The following GABRG2 variants were observed in gnomAD, a reference collection of about 807,000 sequenced individuals.
GABRG2 encodes gamma-aminobutyric acid type A receptor subunit gamma2.
Under a neutral mutation model 56.4 loss-of-function variants are expected in GABRG2, and 16 were observed. The ratio of observed to expected loss-of-function variants is 0.28; its 90% CI spans 0.19 to 0.43. GABRG2 has a LOEUF of 0.43. Among genes scored for constraint, GABRG2 ranks in the 20% least tolerant of loss-of-function variants. The pLI is 1.00. For synonymous variants in GABRG2, 208 were observed against 205.5 expected (o/e 1.01, Z -0.10); for missense variants, 327 against 582.7 (o/e 0.56, Z 4.52).
chr5:162,067,827 C>T lies in GABRG2; in HGVS notation c.-173C>T. 1.6e-6 allele frequency: 1 copy of T among 636,856 alleles called. No homozygotes were observed. Among genetic ancestry groups the T allele is most frequent in the Non-Finnish European group, 2.8e-6 (1 of 359,528 alleles). The allele number at this position is 636,856 out of a possible 1,614,324, so 39.5% of individuals were successfully genotyped here. The stretch of plus-strand genomic sequence containing the variant: ...AGCGTTTTTGCTGATCTTATCTCTG[C>T]CCCCTGAATATTAATTCCCTAATCT... On this transcript the variant is annotated 5_prime_UTR_variant, in exon 1 of 10. Transcript: ENST00000639213.
chr5:162,132,173 T>A (rs1200366888), intron 6 of GABRG2, among the ~76,000 whole-genome samples: 1 of 148,414 alleles, frequency 6.7e-6, no homozygotes, highest in East Asian at 1.9e-4. Flanking sequence ...AATAACCTCC[T>A]AATATCACAA....
intron 2 of GABRG2, chr5:162,094,823 T>G (rs1042506364): frequency 6.6e-6 from 1 of 152,194 alleles, no homozygotes; most frequent in African/African-American, 2.4e-5. Flanking sequence ...GACCATGCAT[T>G]TGGTCATGGA....
At position 162,079,548 on chromosome 5, in the gene GABRG2, T is replaced by C. The variant is rs1012996284; in HGVS notation, c.107+11442T>C. Among the ~76,000 whole-genome samples the C allele has an allele frequency of 1.7e-4, 26 of 152,184 alleles. 1 individual carries two copies. The highest frequency in any genetic ancestry group is 5.5e-4 in the African/African-American group (23 of 41,562). On this transcript the variant is annotated intron_variant, in intron 1 of 9. Coordinates refer to ENST00000639213, the MANE Select transcript of GABRG2 (RefSeq NM_198904.4). ...AGCACCCTGCCAGCTGCTGAAGATA[T>C]AGTGCTGAACAAGGCAAACATAATC...
chr5:162,092,171 G>T (rs1760652161), intron 1 of GABRG2, among the ~76,000 whole-genome samples: 1 of 152,032 alleles, frequency 6.6e-6, no homozygotes, highest in Non-Finnish European at 1.5e-5. Context: ...GCCCAAGAGG[G>T]ATTTTTTTTC....
intron 6 of GABRG2, among the ~76,000 whole-genome samples, chr5:162,139,056 A>C (rs1037915331): frequency 1.3e-5 from 2 of 152,140 alleles, no homozygotes; most frequent in Admixed American, 1.3e-4. Flanking sequence ...AAAAGTAGAC[A>C]TAAGAATCTC....
intron 6 of GABRG2, among the ~76,000 whole-genome samples, chr5:162,137,928 T>A (rs1237912177): frequency 7.0e-6 from 1 of 142,052 alleles, no homozygotes; most frequent in Admixed American, 7.1e-5. Flanking sequence ...ATTTTTGGTA[T>A]TTTTTTTTTT....
chr5:162,073,267 GT>G (rs34161555), intron 1 of GABRG2, among the ~76,000 whole-genome samples: 5,372 of 148,282 alleles, frequency 0.036, 282 homozygotes, highest in African/African-American at 0.11. Context: ...CTGAAATTAG[GT>G]TTTTTTTTTA....
At chr5:162,123,960 C>A (rs1422329280) in intron 6 of GABRG2, among the ~76,000 whole-genome samples, 3 of 151,978 alleles carry the variant, frequency 2.0e-5, no homozygotes, top group Non-Finnish European at 2.9e-5. Flanking sequence ...AAAAGTGATT[C>A]TCTTTTATCC....
intron 4 of GABRG2, 198 bp downstream of exon 4, chr5:162,098,056 C>G: frequency 1.7e-6 from 1 of 592,528 alleles, no homozygotes; most frequent in Non-Finnish European, 3.0e-6. Context: ...TTTCAAAGCA[C>G]TAATTATAGG....
intron 6 of GABRG2, among the ~76,000 whole-genome samples, chr5:162,105,176 G>C (rs1026521224): frequency 6.6e-6 from 1 of 151,954 alleles, no homozygotes; most frequent in South Asian, 2.1e-4. Flanking sequence ...ACTTTACAGA[G>C]AGAAGCAAAT....
intron 1 of GABRG2, among the ~76,000 whole-genome samples, chr5:162,081,541 CTCA>C (rs1361736474): frequency 6.6e-6 from 1 of 151,966 alleles, no homozygotes; most frequent in Non-Finnish European, 1.5e-5. Flanking sequence ...TGATCTGTTA[CTCA>C]TCATTGAAGA....
At chr5:162,094,784 T>C (rs569628148) in intron 2 of GABRG2, 3 of 152,332 alleles carry the variant, frequency 2.0e-5, no homozygotes, top group South Asian at 4.1e-4. Context: ...AATGCTCTTG[T>C]TGTTCATTAA....
At chr5:162,102,449 A>G (rs563029683) in intron 5 of GABRG2, 285 of 451,958 alleles carry the variant, frequency 6.3e-4, no homozygotes, top group African/African-American at 5.4e-3. Context: ...ACAATTTAAT[A>G]TTACTCATTG....
intron 1 of GABRG2, among the ~76,000 whole-genome samples, chr5:162,070,993 A>G (rs1375120124): frequency 4.6e-5 from 6 of 130,016 alleles, no homozygotes; most frequent in Non-Finnish European, 6.7e-5. Context: ...AGTTGGGCAG[A>G]ATGAATCAAT....
At chr5:162,072,957 T>A (rs958708098) in intron 1 of GABRG2, among the ~76,000 whole-genome samples, 2 of 151,982 alleles carry the variant, frequency 1.3e-5, no homozygotes, top group African/African-American at 4.8e-5. Context: ...TTATCTTATG[T>A]GTTTTTTTAA....
intron 6 of GABRG2, among the ~76,000 whole-genome samples, chr5:162,113,651 A>G (rs1004515884): frequency 4.6e-5 from 7 of 152,226 alleles, no homozygotes; most frequent in Admixed American, 1.3e-4. Context: ...TAATCTGCCT[A>G]TACTCACATG....
chr5:162,138,189 A>G (rs1195444130), intron 6 of GABRG2, among the ~76,000 whole-genome samples: 41 of 152,314 alleles, frequency 2.7e-4, no homozygotes. Context: ...TAGATATTCT[A>G]TAGTTTTCAT....
At position 162,151,736 on chromosome 5, in the gene GABRG2, C is replaced by A; in HGVS notation, c.1135C>A (p.Arg379=). ...TCTGTCTACAAACCCAAAGCTTCTT[C>A]GGATGTTTTCCTTCAAGGTATAATG... ...KDKKKKNPLL[R]MFSFKAPTID... Residue 379 remains arginine, a synonymous_variant, in exon 9 of 10, where the codon CGG becomes AGG. Transcript: ENST00000639213. 6.2e-7 allele frequency: 1 copy of A among 1,610,296 alleles called. No homozygotes were observed. Among genetic ancestry groups the A allele is most frequent in the South Asian group, 1.1e-5 (1 of 90,400 alleles).
intron 1 of GABRG2, among the ~76,000 whole-genome samples, chr5:162,075,770 A>C (rs1759050928): frequency 6.6e-6 from 1 of 152,166 alleles, no homozygotes; most frequent in Non-Finnish European, 1.5e-5. Context: ...AATAAAAGAA[A>C]ATGAACAAAC....
Sources: gnomAD v4.1 joint callset for allele counts (sites outside exome capture counted in the v4.1 genomes callset) on GRCh38, gnomAD v4.1.1 for gene constraint, MANE v1.5 for transcripts, NCBI Gene and HGNC (gene_info 2026-07-23, HGNC 2026-07-21) for gene names.